Variants in CLCN3 observed in about 807,000 individuals in gnomAD.
CLCN3 encodes H(+)/Cl(-) exchange transporter 3.
Under a neutral mutation model 83.4 loss-of-function variants are expected in CLCN3, and 16 were observed. The ratio of observed to expected loss-of-function variants is 0.19; its 90% CI spans 0.13 to 0.29. The LOEUF is 0.29. CLCN3 is among the 10% of genes least tolerant of loss of function. The pLI, the probability that CLCN3 is intolerant of heterozygous loss-of-function variation, is 1.00. For synonymous variants in CLCN3, 322 were observed against 346.2 expected, an observed-to-expected ratio of 0.93 and a Z score of 0.78; for missense variants, 544 against 1,006.0, an observed-to-expected ratio of 0.54 and a Z score of 6.21.
chr4:169,679,181 G>A (rs144395233), intron 2 of CLCN3, among the ~76,000 whole-genome samples: 25,352 of 150,804 alleles, frequency 0.17, 2,643 homozygotes, highest in South Asian at 0.3. Context: ...AGACAGGGTG[G>A]CGGCTGGGCA....
intron 2 of CLCN3, among the ~76,000 whole-genome samples, chr4:169,645,152 T>G (rs911936909): frequency 1.3e-5 from 2 of 152,224 alleles, no homozygotes; most frequent in Admixed American, 1.3e-4. Context: ...TTTAACCTTG[T>G]GGACCCCTGA....
intron 9 of CLCN3, among the ~76,000 whole-genome samples, chr4:169,699,399 C>A (rs1732690671): frequency 1.3e-5 from 2 of 152,144 alleles, no homozygotes; most frequent in Admixed American, 1.3e-4. Flanking sequence ...TCAGCTTATT[C>A]TTGTTCTTTA....
chr4:169,711,958 G>A (rs989144891), intron 11 of CLCN3, among the ~76,000 whole-genome samples: 8 of 151,714 alleles, frequency 5.3e-5, no homozygotes, highest in Middle Eastern at 3.5e-3. Context: ...CTGACCTTCC[G>A]GGCTCAAGTG....
intron 2 of CLCN3, among the ~76,000 whole-genome samples, chr4:169,667,631 G>A (rs964883441): frequency 1.3e-5 from 2 of 148,622 alleles, no homozygotes; most frequent in African/African-American, 4.8e-5. Context: ...ATGCATTTTA[G>A]GAATTTGTTT....
intron 7 of CLCN3, among the ~76,000 whole-genome samples, chr4:169,694,281 A>AAG (rs1732483746): frequency 6.6e-6 from 1 of 152,166 alleles, no homozygotes; most frequent in African/African-American, 2.4e-5. Flanking sequence ...CTCAGTCCTT[A>AAG]AGAGCTAAGT....
chr4:169,680,490 G>C (rs1014063095), intron 3 of CLCN3: 2 of 257,590 alleles, frequency 7.8e-6, no homozygotes, highest in East Asian at 1.9e-4. Flanking sequence ...ACAGGAGTTG[G>C]GGGGAAGAAC....
chr4:169,663,540 A>G (rs1208097976), intron 2 of CLCN3: 3 of 325,200 alleles, frequency 9.2e-6, no homozygotes, highest in African/African-American at 2.3e-5. Context: ...GAGTCTCACT[A>G]TGTTGTCCAG....
chr4:169,697,001 T>C (rs1410144173), intron 8 of CLCN3, among the ~76,000 whole-genome samples, 188 bp from the exon 9 acceptor site: 2 of 152,164 alleles, frequency 1.3e-5, no homozygotes, highest in Admixed American at 6.5e-5. Flanking sequence ...TGTCAATTTG[T>C]AATGATGATC....
intron 2 of CLCN3, among the ~76,000 whole-genome samples, chr4:169,657,911 T>C (rs1730933947): frequency 6.6e-6 from 1 of 152,174 alleles, no homozygotes; most frequent in African/African-American, 2.4e-5. Context: ...AGTCCTCTTA[T>C]GTGTCAAAGT....
At chr4:169,626,354 G>T (rs1372135929) in intron 1 of CLCN3, among the ~76,000 whole-genome samples, 2 of 152,190 alleles carry the variant, frequency 1.3e-5, no homozygotes, top group Admixed American at 1.3e-4. Flanking sequence ...CTCCTTTTGG[G>T]TTTTTATGGA....
At chr4:169,718,051 C>T (rs187224984) in intron 12 of CLCN3, among the ~76,000 whole-genome samples, 1 of 152,246 alleles carries the variant, frequency 6.6e-6, no homozygotes, top group Non-Finnish European at 1.5e-5. Flanking sequence ...TGTAAAATCC[C>T]ATTTATAGAA....
chr4:169,683,387 C>T (rs1276166214), intron 3 of CLCN3, among the ~76,000 whole-genome samples: 2 of 152,098 alleles, frequency 1.3e-5, no homozygotes, highest in African/African-American at 2.4e-5. Context: ...CCTAGCTACT[C>T]GGAAAGCTGA....
At chr4:169,627,972 C>G (rs186770191) in intron 1 of CLCN3, among the ~76,000 whole-genome samples, 1 of 152,260 alleles carries the variant, frequency 6.6e-6, no homozygotes, top group African/African-American at 2.4e-5. Context: ...TGGAACAGAA[C>G]AGAGAACTCT....
chr4:169,678,115 AAGG>A (rs1731752565), intron 2 of CLCN3, among the ~76,000 whole-genome samples: 1 of 152,230 alleles, frequency 6.6e-6, no homozygotes, highest in South Asian at 2.1e-4. Context: ...CCACAACTCT[AAGG>A]GTTATTGTTT....
At chr4:169,627,410 A>G (rs986047315) in intron 1 of CLCN3, among the ~76,000 whole-genome samples, 6 of 152,174 alleles carry the variant, frequency 3.9e-5, no homozygotes, top group African/African-American at 1.4e-4. Context: ...CAGGTTTATC[A>G]AATACATTGT....
At chr4:169,714,451 AGC>A (rs1662944764) in intron 12 of CLCN3, among the ~76,000 whole-genome samples, 2 of 152,008 alleles carry the variant, frequency 1.3e-5, no homozygotes, top group East Asian at 3.9e-4. Context: ...AGGTAGTTAT[AGC>A]CCTACTTTAC....
chr4:169,645,520 A>C (rs1362736730), intron 2 of CLCN3, among the ~76,000 whole-genome samples: 1 of 152,220 alleles, frequency 6.6e-6, no homozygotes, highest in Non-Finnish European at 1.5e-5. Flanking sequence ...CTTCCAGGTC[A>C]TTCCGAGGTA....
In CLCN3 at chr4:169,663,621, C is replaced by T. The variant is rs767199487; in HGVS notation, c.161-16429C>T. ...TCCCAAGTAGCTGAGATTACAGGTGCGAGCCACTGTGCCTGGCTTGTTCTA... is the reference window on the plus strand; with the variant it reads ...TCCCAAGTAGCTGAGATTACAGGTGTGAGCCACTGTGCCTGGCTTGTTCTA... On this transcript the variant is annotated intron_variant, in intron 2 of 12. Transcript: ENST00000513761. 86 of 428,504 alleles carry T rather than the reference C, an allele frequency of 2.0e-4. 1 individual carries two copies. Among genetic ancestry groups the T allele is most frequent in the South Asian group, 1.2e-3 (74 of 62,060 alleles). The allele number at this position is 428,504 out of a possible 1,614,324, so 26.5% of individuals were successfully genotyped here. A position where few individuals can be genotyped will look rare whatever the true frequency, so the allele number is the denominator to read the frequency against.
intron 3 of CLCN3, among the ~76,000 whole-genome samples, chr4:169,686,583 A>G (rs1415157464): frequency 6.6e-6 from 1 of 152,030 alleles, no homozygotes; most frequent in Non-Finnish European, 1.5e-5. Flanking sequence ...CACCCAGCTA[A>G]TTTCTGTATT....
Sources: allele counts gnomAD v4.1 joint callset (sites outside exome capture counted in the v4.1 genomes callset), GRCh38; gene constraint gnomAD v4.1.1; transcripts MANE v1.5; gene names NCBI Gene and HGNC (gene_info 2026-07-23, HGNC 2026-07-21).